The following NXN variants were observed in gnomAD, a reference collection of about 807,000 sequenced individuals.
NXN encodes the protein nucleoredoxin 1.
In NXN, 16 loss-of-function variants were observed where a neutral mutation model predicts 48.6. That is an observed-to-expected ratio of 0.33 (90% confidence interval 0.22 to 0.50). The LOEUF is 0.50. NXN is among the 20% of genes least tolerant of loss of function. The pLI, the probability that NXN is intolerant of heterozygous loss-of-function variation, is 0.98. For missense variants in NXN, 492 were observed against 605.5 expected, an observed-to-expected ratio of 0.81 and a Z score of 1.97; for synonymous variants, 281 against 269.6, an observed-to-expected ratio of 1.04 and a Z score of -0.41.
Position 853,464 on chromosome 17 carries a change from T to TCTCAGGTAA in NXN, c.361-27395_361-27387dup, listed in dbSNP as rs199801284. On this transcript the variant is annotated intron_variant, in intron 1 of 7. Coordinates refer to ENST00000336868, the MANE Select transcript of NXN (RefSeq NM_022463.5). ...CTCTGCCTAAAAGAAAAAAGAAAGC[T>TCTCAGGTAA]CTCAGGTAACTCAGGCCCACTGAAG... Among the ~76,000 whole-genome samples, 1,307 of 151,620 alleles carry TCTCAGGTAA rather than the reference T, an allele frequency of 8.6e-3. 13 individuals are homozygous for TCTCAGGTAA. Among genetic ancestry groups the TCTCAGGTAA allele is most frequent in the Non-Finnish European group, 9.5e-3 (643 of 67,906 alleles).
intron 1 of NXN, among the ~76,000 whole-genome samples, chr17:906,386 G>A (rs1458013507): frequency 6.6e-6 from 1 of 152,074 alleles, no homozygotes; most frequent in Non-Finnish European, 1.5e-5. Flanking sequence ...AAAAATGTCT[G>A]TAGTTCCCAC....
intron 5 of NXN, among the ~76,000 whole-genome samples, chr17:811,647 A>G (rs944273416): frequency 2.0e-5 from 3 of 152,128 alleles, no homozygotes; most frequent in African/African-American, 7.2e-5. Flanking sequence ...AGGGCACCGA[A>G]GGAAGCCGGT....
intron 1 of NXN, among the ~76,000 whole-genome samples, chr17:851,089 C>T (rs767943781): frequency 2.6e-5 from 4 of 152,258 alleles, no homozygotes; most frequent in East Asian, 1.9e-4. Context: ...ACAGGCTGAC[C>T]GCTTTAAAGA....
intron 1 of NXN, among the ~76,000 whole-genome samples, chr17:976,512 T>C (rs1041222467): frequency 6.6e-6 from 1 of 152,176 alleles, no homozygotes; most frequent in Non-Finnish European, 1.5e-5. Flanking sequence ...TTCCCTTCAG[T>C]GTAAAACAAA....
At chr17:852,999 A>G (rs2067941172) in intron 1 of NXN, among the ~76,000 whole-genome samples, 1 of 150,970 alleles carries the variant, frequency 6.6e-6, no homozygotes, top group South Asian at 2.1e-4. Context: ...TTTTTTTGAG[A>G]CAGAGTCTCA....
intron 1 of NXN, among the ~76,000 whole-genome samples, chr17:837,547 C>T (rs1450990680): frequency 6.6e-6 from 1 of 152,238 alleles, no homozygotes; most frequent in East Asian, 1.9e-4. Context: ...GCCCCCTAAT[C>T]AGTCCAGCTC....
At chr17:818,304 C>G (rs538861340) in intron 5 of NXN, among the ~76,000 whole-genome samples, 15 of 152,030 alleles carry the variant, frequency 9.9e-5, no homozygotes, top group Non-Finnish European at 1.9e-4. Context: ...GATTAGTACT[C>G]TAAGTCCTAG....
At position 932,871 on chromosome 17, in the gene NXN, C is replaced by T. The variant is rs1395898862; in HGVS notation, c.360+46448G>A. 6.6e-6 allele frequency among the ~76,000 whole-genome samples: 1 copy of T among 152,212 alleles called. No individual in the cohort carries two copies. Among genetic ancestry groups the T allele is most frequent in the Non-Finnish European group, 1.5e-5 (1 of 68,034 alleles). Reference sequence around the variant, plus strand: ...CCATGTTGGCCAGGCTGGTCTCGAACTCCTGACCTCAGGTGATCCGCCCGC... The same window carrying T: ...CCATGTTGGCCAGGCTGGTCTCGAATTCCTGACCTCAGGTGATCCGCCCGC... On this transcript the variant is annotated intron_variant, in intron 1 of 7. Coordinates refer to ENST00000336868, the MANE Select transcript of NXN (RefSeq NM_022463.5). The surrounding 1 kb of genome is among the most constrained non-coding windows in gnomAD (Gnocchi z 4.1).
In NXN at chr17:973,959, G is replaced by A. The variant is rs368914602; in HGVS notation, c.360+5360C>T. ...CTCCCAAAGTGCTGGGATGACAGGC[G>A]TGAGCCACAGTGCCCGGCCATTGTA... On this transcript the variant is annotated intron_variant, in intron 1 of 7. Transcript: ENST00000336868. Among the ~76,000 whole-genome samples the A allele has an allele frequency of 2.0e-3, 302 of 152,004 alleles. 1 individual carries two copies. The highest frequency in any genetic ancestry group is 7.0e-3 in the African/African-American group (291 of 41,502).
intron 1 of NXN, among the ~76,000 whole-genome samples, chr17:894,765 C>T (rs1340343092): frequency 1.3e-5 from 2 of 152,200 alleles, no homozygotes; most frequent in African/African-American, 4.8e-5. Flanking sequence ...GACGGAGGCG[C>T]CCCAAGAAGA....
rs1044901244 is a variant in NXN at position 958,250 on chromosome 17, G to A, written c.360+21069C>T. On this transcript the variant is annotated intron_variant, in intron 1 of 7. Coordinates refer to ENST00000336868, the MANE Select transcript of NXN (RefSeq NM_022463.5). The surrounding 1 kb of genome is among the most constrained non-coding windows in gnomAD (Gnocchi z 6.9). ...GTGGCTGCCAGCTTGTCCCTTCCCC[G>A]GTGCCTCTGCCCAACAAGACATGAC... 1.8e-4 allele frequency among the ~76,000 whole-genome samples: 27 copies of A among 152,220 alleles called. No homozygotes were observed. Among genetic ancestry groups the A allele is most frequent in the African/African-American group, 2.6e-4 (11 of 41,534 alleles).
intron 1 of NXN, chr17:842,708 C>A: frequency 7.4e-6 from 2 of 269,108 alleles, no homozygotes; most frequent in Non-Finnish European, 1.1e-5. Flanking sequence ...GAGGCTGAGG[C>A]GGGTGGATCA....
chr17:804,274 CTTTTTTTTTTT>C (rs11325268), intron 6 of NXN, among the ~76,000 whole-genome samples: 9 of 88,932 alleles, frequency 1.0e-4, no homozygotes, highest in South Asian at 7.4e-4. Context: ...TGGTCAGCGG[CTTTTTTTTTTT>C]TTTTTTTTTT....
chr17:818,043 G>A (rs1196529119), intron 5 of NXN, among the ~76,000 whole-genome samples: 1 of 152,072 alleles, frequency 6.6e-6, no homozygotes, highest in Non-Finnish European at 1.5e-5. Context: ...TGGATCACTT[G>A]AGCCCATGAG....
At chr17:952,234 A>T (rs2069121299) in intron 1 of NXN, among the ~76,000 whole-genome samples, 1 of 88,056 alleles carries the variant, frequency 1.1e-5, no homozygotes, top group East Asian at 3.7e-4. Flanking sequence ...GGACGGTCAC[A>T]CTGTGGGGGG....
At position 979,466 on chromosome 17, in the gene NXN, TCCCGGC is replaced by T. The variant is rs779356790; in HGVS notation, c.207_212del (p.Pro70_Gly71del). On this transcript the variant is annotated inframe_deletion, in exon 1 of 8. Transcript: ENST00000336868. ...GCTCCGCCGCCGCCCCGGCCCCCGC[TCCCGGC>T]CCCGGCCCGGCCGCCGCGTCCCCCC... 1.2e-5 allele frequency: 15 copies of T among 1,204,044 alleles called. No homozygotes were observed. The highest frequency in any genetic ancestry group is 1.0e-6 in the Non-Finnish European group (1 of 968,494). The allele number at this position is 1,204,044 out of a possible 1,614,324, so 74.6% of individuals were successfully genotyped here.
At chr17:834,333 A>G (rs1597643812) in intron 1 of NXN, among the ~76,000 whole-genome samples, 1 of 152,210 alleles carries the variant, frequency 6.6e-6, no homozygotes, top group African/African-American at 2.4e-5. Context: ...AAAGGGCTGC[A>G]CTGTCTGGCA....
At chr17:871,413 T>C (rs955451252) in intron 1 of NXN, among the ~76,000 whole-genome samples, 2 of 148,140 alleles carry the variant, frequency 1.4e-5, no homozygotes, top group African/African-American at 5.0e-5. Context: ...TTTTTTTTTT[T>C]TTTTTTTTTG....
At position 799,759 on chromosome 17, in the gene NXN, T is replaced by C. The variant is rs1188907839; in HGVS notation, c.*1190A>G. The C allele has an allele frequency of 1.3e-5, 2 of 152,398 alleles. No homozygotes were observed. The highest frequency in any genetic ancestry group is 1.5e-5 in the Non-Finnish European group (1 of 68,144). The allele number at this position is 152,398 out of a possible 1,614,324, so 9.4% of individuals were successfully genotyped here. Reference sequence around the variant, plus strand: ...CACTCCATCCCGGGGCACAGCTCCTTCCGCTGGTGCTTAGGAAAAGGCGAG... The same window carrying C: ...CACTCCATCCCGGGGCACAGCTCCTCCCGCTGGTGCTTAGGAAAAGGCGAG... On this transcript the variant is annotated 3_prime_UTR_variant, in exon 8 of 8. Coordinates refer to ENST00000336868, the MANE Select transcript of NXN (RefSeq NM_022463.5).
Sources: allele counts gnomAD v4.1 joint callset (sites outside exome capture counted in the v4.1 genomes callset), GRCh38; gene constraint gnomAD v4.1.1; non-coding constraint Gnocchi (gnomAD v3.1); transcripts MANE v1.5; gene names NCBI Gene and HGNC (gene_info 2026-07-23, HGNC 2026-07-21).